Variants in KAZN observed in about 807,000 individuals in gnomAD.
KAZN encodes the protein kazrin, periplakin interacting protein, also known as kazrin.
In KAZN, 40 loss-of-function variants were observed where a neutral mutation model predicts 87.4. The observed-to-expected ratio is 0.46, with a 90% confidence interval of 0.36 to 0.60. The LOEUF (loss-of-function observed/expected upper bound fraction) is 0.60, where lower values mean the gene tolerates loss of function less well. Among genes scored for constraint, KAZN ranks in the 20% least tolerant of loss-of-function variants. KAZN has a pLI of 0.00. For missense variants in KAZN, 898 were observed against 1,073.9 expected, an observed-to-expected ratio of 0.84 and a Z score of 2.29; for synonymous variants, 466 against 458.3, an observed-to-expected ratio of 1.02 and a Z score of -0.22.
At chr1:15,103,893 C>G in intron 12 of KAZN, 130 bp from the exon 13 acceptor site, 2 of 921,022 alleles carry the variant, frequency 2.2e-6, no homozygotes, top group Non-Finnish European at 3.2e-6. Context: ...TCCTCTTCAC[C>G]GTCAAATTAA....
At chr1:14,493,558 C>T (rs1669791808) in intron 2 of KAZN, among the ~76,000 whole-genome samples, 1 of 152,292 alleles carries the variant, frequency 6.6e-6, no homozygotes, top group Non-Finnish European at 1.5e-5. Flanking sequence ...GTTTCAGACT[C>T]ATGCTTGTAT....
intron 2 of KAZN, among the ~76,000 whole-genome samples, chr1:14,514,752 G>T (rs771493538): frequency 1.4e-3 from 213 of 150,288 alleles, no homozygotes; most frequent in Non-Finnish European, 2.7e-3. Flanking sequence ...TAGTTATACG[G>T]TCTTGACAAA....
At chr1:14,076,938 G>A (rs1260826651) in intron 1 of KAZN, among the ~76,000 whole-genome samples, 2 of 152,148 alleles carry the variant, frequency 1.3e-5, no homozygotes, top group Non-Finnish European at 2.9e-5. Context: ...TGCAGAGGAG[G>A]ACTGTCGCTT....
chr1:14,395,379 AG>A (rs1662809546), intron 2 of KAZN, among the ~76,000 whole-genome samples: 1 of 152,108 alleles, frequency 6.6e-6, no homozygotes, highest in Non-Finnish European at 1.5e-5. Context: ...ATGTCCTGGT[AG>A]GAAGAGATGG....
chr1:15,105,275 C>G (rs149364903), intron 13 of KAZN, among the ~76,000 whole-genome samples: 1 of 152,204 alleles, frequency 6.6e-6, no homozygotes, highest in African/African-American at 2.4e-5. Context: ...AATTCACCAG[C>G]GAAGCCATCT....
At chr1:14,991,075 G>A (rs113288428) in intron 2 of KAZN, among the ~76,000 whole-genome samples, 23 of 151,970 alleles carry the variant, frequency 1.5e-4, no homozygotes, top group South Asian at 2.1e-4. Context: ...ACCCTTGGCC[G>A]GGCGCAGAGG....
intron 1 of KAZN, among the ~76,000 whole-genome samples, chr1:14,636,576 G>A (rs1680004734): frequency 6.6e-6 from 1 of 152,176 alleles, no homozygotes; most frequent in African/African-American, 2.4e-5. Context: ...TCTCACCTGT[G>A]TGGCATCATT....
intron 2 of KAZN, among the ~76,000 whole-genome samples, chr1:14,261,287 T>C (rs1356542325): frequency 1.3e-5 from 2 of 152,170 alleles, no homozygotes; most frequent in Non-Finnish European, 2.9e-5. Context: ...GAAGATGCAT[T>C]AAGGATAAAT....
intron 2 of KAZN, among the ~76,000 whole-genome samples, chr1:14,514,593 TTTTATA>T (rs1369158896): frequency 3.5e-5 from 1 of 28,272 alleles, no homozygotes; most frequent in East Asian, 8.6e-4. Flanking sequence ...TTTTTTTATA[TTTTATA>T]TATATATATA....
intron 2 of KAZN, among the ~76,000 whole-genome samples, chr1:14,964,386 C>T (rs1410660961): frequency 1.3e-5 from 2 of 152,146 alleles, no homozygotes; most frequent in Non-Finnish European, 2.9e-5. Flanking sequence ...GGAGATGTTG[C>T]TTGTCTGATT....
chr1:14,557,845 C>T (rs1343561446), intron 2 of KAZN, among the ~76,000 whole-genome samples: 1 of 152,144 alleles, frequency 6.6e-6, no homozygotes, highest in African/African-American at 2.4e-5. Flanking sequence ...CTTCCCAGCT[C>T]CTGCTACAGA....
intron 1 of KAZN, among the ~76,000 whole-genome samples, chr1:14,017,120 G>A (rs1220867170): frequency 6.6e-6 from 1 of 152,128 alleles, no homozygotes; most frequent in East Asian, 1.9e-4. Flanking sequence ...CTCAGTATTA[G>A]GTAGCATGTT....
chr1:14,223,396 A>G (rs989341845), intron 2 of KAZN, among the ~76,000 whole-genome samples: 4 of 152,136 alleles, frequency 2.6e-5, no homozygotes, highest in Non-Finnish European at 5.9e-5. Flanking sequence ...TGTGCTGTCT[A>G]TTTTGGGTCT....
In KAZN at chr1:14,662,613, C is replaced by CCAATACT. The variant is rs1353236066; in HGVS notation, c.226+63391_226+63397dup. ...ATGATGTGATTATCTTTACCTCTGA[C>CCAATACT]CAATACTGGTCTTTCTTGATATCTT... On this transcript the variant is annotated intron_variant, in intron 1 of 14. Coordinates refer to ENST00000376030, the MANE Select transcript of KAZN (RefSeq NM_201628.3). 3.9e-5 allele frequency among the ~76,000 whole-genome samples: 6 copies of CCAATACT among 151,992 alleles called. No homozygotes were observed. The East Asian group carries it at 1.2e-3, about 29-fold the overall frequency.
At chr1:14,467,329 T>C (rs1358480901) in intron 2 of KAZN, among the ~76,000 whole-genome samples, 1 of 136,848 alleles carries the variant, frequency 7.3e-6, no homozygotes, top group East Asian at 2.7e-4. Flanking sequence ...TTGAAATATA[T>C]TATAAAAAAA....
intron 1 of KAZN, among the ~76,000 whole-genome samples, chr1:13,935,786 A>C (rs1233168697): frequency 6.6e-6 from 1 of 151,936 alleles, no homozygotes; most frequent in African/African-American, 2.4e-5. Flanking sequence ...GTCACTACTG[A>C]CTGGGCAAGC....
intron 2 of KAZN, among the ~76,000 whole-genome samples, chr1:15,026,395 G>A (rs1049603730): frequency 1.3e-5 from 2 of 152,186 alleles, no homozygotes; most frequent in African/African-American, 2.4e-5. Context: ...CTCAGGCCCC[G>A]CAGCTGCTAA....
At chr1:14,201,914 T>A (rs573664409) in intron 2 of KAZN, among the ~76,000 whole-genome samples, 6 of 152,318 alleles carry the variant, frequency 3.9e-5, no homozygotes, top group African/African-American at 1.4e-4. Context: ...GTGATCCGCC[T>A]GCCTCGGCCT....
intron 10 of KAZN, among the ~76,000 whole-genome samples, chr1:15,101,336 A>G (rs1641060218): frequency 7.0e-6 from 1 of 142,432 alleles, no homozygotes; most frequent in Non-Finnish European, 1.5e-5. Flanking sequence ...CTCTTTCACC[A>G]TCTCTGCCCT....
Sources: allele counts gnomAD v4.1 joint callset (sites outside exome capture counted in the v4.1 genomes callset), GRCh38; gene constraint gnomAD v4.1.1; transcripts MANE v1.5; gene names NCBI Gene and HGNC (gene_info 2026-07-23, HGNC 2026-07-21).